ZNF804A: variants seen among roughly 807,000 people sequenced by gnomAD.
ZNF804A encodes the protein zinc finger protein 804A.
In ZNF804A, 2 loss-of-function variants were observed where a neutral mutation model predicts 16.5. That is an observed-to-expected ratio of 0.12 (90% confidence interval 0.05 to 0.38). ZNF804A has a LOEUF of 0.38. Among genes scored for constraint, ZNF804A ranks in the 10% least tolerant of loss-of-function variants. The probability of loss-of-function intolerance (pLI) is 0.99; values close to 1 mark genes in which losing one functional copy is unlikely to be tolerated. For synonymous variants in ZNF804A, 534 were observed against 489.6 expected (o/e 1.09, Z -1.20); for missense variants, 1,473 against 1,390.7 (o/e 1.06, Z -0.94).
chr2:184,867,999 C>CT (rs1167798105), intron 2 of ZNF804A, among the ~76,000 whole-genome samples: 1 of 152,036 alleles, frequency 6.6e-6, no homozygotes, highest in Non-Finnish European at 1.5e-5. Context: ...GAAGATAAAA[C>CT]TTACTAAAGT....
At chr2:184,930,336 T>C (rs1193393443) in intron 2 of ZNF804A, among the ~76,000 whole-genome samples, 1 of 152,198 alleles carries the variant, frequency 6.6e-6, no homozygotes, top group Admixed American at 6.5e-5. Flanking sequence ...GGAAATGATT[T>C]CAAAGTTTTG....
chr2:184,640,525 A>G (rs1175856912), intron 1 of ZNF804A, among the ~76,000 whole-genome samples: 2 of 152,138 alleles, frequency 1.3e-5, no homozygotes, highest in Non-Finnish European at 2.9e-5. Context: ...CTTAGTAACA[A>G]ACACCAGACA....
chr2:184,603,728 A>G (rs1260202141), intron 1 of ZNF804A, among the ~76,000 whole-genome samples: 1 of 152,138 alleles, frequency 6.6e-6, no homozygotes, highest in African/African-American at 2.4e-5. Context: ...ATATCTTCAT[A>G]CCTTCCCACT....
At chr2:184,880,813 A>T (rs573187537) in intron 2 of ZNF804A, among the ~76,000 whole-genome samples, 32 of 152,184 alleles carry the variant, frequency 2.1e-4, no homozygotes, top group African/African-American at 7.5e-4. Flanking sequence ...AGGGTGCCCA[A>T]TTCACTCTTT....
intron 1 of ZNF804A, among the ~76,000 whole-genome samples, chr2:184,826,159 C>G (rs1347102562): frequency 6.6e-6 from 1 of 152,108 alleles, no homozygotes; most frequent in Non-Finnish European, 1.5e-5. Context: ...GCTGGGATTA[C>G]AAGCATGAGC....
rs1225502100 is a variant in ZNF804A, at chr2:184,669,591, G to C, written c.111+70521G>C. On this transcript the variant is annotated intron_variant, in intron 1 of 3. Coordinates refer to ENST00000302277, the MANE Select transcript of ZNF804A (RefSeq NM_194250.2). Reference sequence around the variant, plus strand: ...ACTACCCACATGAAATGTTGAAAATGGCTGATGAGTAGTTGTGAAATAATT... The same window carrying C: ...ACTACCCACATGAAATGTTGAAAATCGCTGATGAGTAGTTGTGAAATAATT... 3.9e-5 allele frequency among the ~76,000 whole-genome samples: 6 copies of C among 151,974 alleles called. No individual in the cohort carries two copies. In the South Asian group the frequency reaches 1.2e-3, roughly 32 times the overall value.
intron 2 of ZNF804A, among the ~76,000 whole-genome samples, chr2:184,928,562 G>C (rs1241333762): frequency 3.0e-4 from 45 of 152,128 alleles, no homozygotes; most frequent in Admixed American, 2.9e-3. Context: ...TCTGAGCCCA[G>C]TTCAGCAATA....
At chr2:184,769,070 T>C (rs1694172522) in intron 1 of ZNF804A, among the ~76,000 whole-genome samples, 1 of 152,126 alleles carries the variant, frequency 6.6e-6, no homozygotes. Context: ...TTTATAGCAC[T>C]TTCATGTCTT....
chr2:184,897,904 T>C (rs1017568702), intron 2 of ZNF804A, among the ~76,000 whole-genome samples: 1 of 152,240 alleles, frequency 6.6e-6, no homozygotes, highest in Non-Finnish European at 1.5e-5. Context: ...GAATCAGCCA[T>C]TTCTTCCAGG....
At chr2:184,930,554 A>C (rs1204828488) in intron 2 of ZNF804A, among the ~76,000 whole-genome samples, 2 of 152,194 alleles carry the variant, frequency 1.3e-5, no homozygotes. Flanking sequence ...ATTAGAGATC[A>C]TTTTAAGCTT....
intron 1 of ZNF804A, among the ~76,000 whole-genome samples, chr2:184,762,471 A>C (rs1230139128): frequency 6.6e-6 from 1 of 151,910 alleles, no homozygotes; most frequent in Non-Finnish European, 1.5e-5. Flanking sequence ...ACTAAAATCT[A>C]AAGTTTATAA....
intron 1 of ZNF804A, among the ~76,000 whole-genome samples, chr2:184,689,291 A>T (rs1692692475): frequency 6.6e-6 from 1 of 152,134 alleles, no homozygotes; most frequent in African/African-American, 2.4e-5. Flanking sequence ...CATCTTCTAG[A>T]TTATTTGCCT....
At chr2:184,629,267 A>AT (rs913541143) in intron 1 of ZNF804A, among the ~76,000 whole-genome samples, 21 of 144,430 alleles carry the variant, frequency 1.5e-4, no homozygotes, top group Non-Finnish European at 2.1e-4. Flanking sequence ...TAATAATGTT[A>AT]TTTTTTTGGC....
rs1695108354 is a variant in ZNF804A at position 184,823,169 on chromosome 2, T to A, written c.112-43200T>A. ...CTTTCCAAGATGGCACCTTGAACAC[T>A]CTGTCCTCTGGAGGGGAGGATTACA... On this transcript the variant is annotated intron_variant, in intron 1 of 3. Coordinates refer to ENST00000302277, the MANE Select transcript of ZNF804A (RefSeq NM_194250.2). Among the ~76,000 whole-genome samples the A allele has an allele frequency of 2.6e-5, 4 of 152,162 alleles. No homozygotes were observed. The South Asian group carries it at 8.3e-4, about 32-fold the overall frequency.
intron 1 of ZNF804A, among the ~76,000 whole-genome samples, chr2:184,738,489 A>G (rs1693667770): frequency 6.6e-6 from 1 of 152,216 alleles, no homozygotes; most frequent in Non-Finnish European, 1.5e-5. Context: ...TTATCTAAGG[A>G]TAATTAAATG....
At chr2:184,827,225 A>G (rs995270529) in intron 1 of ZNF804A, among the ~76,000 whole-genome samples, 1 of 151,434 alleles carries the variant, frequency 6.6e-6, no homozygotes, top group South Asian at 2.1e-4. Flanking sequence ...ATTATAGATG[A>G]GATATATATG....
chr2:184,799,823 C>T (rs767407684), intron 1 of ZNF804A, among the ~76,000 whole-genome samples: 33 of 152,130 alleles, frequency 2.2e-4, no homozygotes, highest in Non-Finnish European at 4.0e-4. Flanking sequence ...GGATTACAGG[C>T]GTGAGCCACT....
At chr2:184,846,255 C>A (rs1255745300) in intron 1 of ZNF804A, among the ~76,000 whole-genome samples, 1 of 152,040 alleles carries the variant, frequency 6.6e-6, no homozygotes, top group East Asian at 1.9e-4. Context: ...GACAGGACCA[C>A]CAGTGAGACA....
At chr2:184,633,063 T>A (rs1286519802) in intron 1 of ZNF804A, among the ~76,000 whole-genome samples, 1 of 152,168 alleles carries the variant, frequency 6.6e-6, no homozygotes, top group African/African-American at 2.4e-5. Context: ...CACCCTTTCT[T>A]TTTTATAAAC....
Sources: allele counts gnomAD v4.1 joint callset (sites outside exome capture counted in the v4.1 genomes callset), GRCh38; gene constraint gnomAD v4.1.1; transcripts MANE v1.5; gene names NCBI Gene and HGNC (gene_info 2026-07-23, HGNC 2026-07-21).